COL5A1: variants seen among roughly 807,000 people sequenced by gnomAD.
COL5A1 encodes collagen type V alpha 1 chain, also known as collagen alpha-1(V) chain.
In COL5A1, 16 loss-of-function variants were observed where a neutral mutation model predicts 263.7. The observed-to-expected ratio is 0.06, with a 90% confidence interval of 0.04 to 0.09. The LOEUF is 0.09. Ranked by LOEUF, COL5A1 falls within the 10% of genes least tolerant of loss-of-function variation. The pLI is 1.00. For missense variants in COL5A1, 2,036 were observed against 2,540.5 expected, an observed-to-expected ratio of 0.80 and a Z score of 4.27; for synonymous variants, 1,012 against 1,004.5, an observed-to-expected ratio of 1.01 and a Z score of -0.14.
chr9:134,641,909 T>TGGAGGAGGAGGA lies in COL5A1; in HGVS notation c.-270_-259dup. ...CGGCGAGGAGGAGGCGAGAAGGAGT[T>TGGAGGAGGAGGA]GGAGGAGGAGGAGGAGGAGGCGAGG... On this transcript the variant is annotated 5_prime_UTR_variant, in exon 1 of 66. Coordinates refer to ENST00000371817, the MANE Select transcript of COL5A1 (RefSeq NM_000093.5). The TGGAGGAGGAGGA allele has an allele frequency of 2.7e-6, 1 of 369,640 alleles. No homozygotes were observed. The highest frequency in any genetic ancestry group is 1.3e-4 in the South Asian group (1 of 7,454). 22.9% of individuals were successfully genotyped at this position (369,640 alleles called of 1,614,324 possible).
At chr9:134,836,994 C>T (rs1457172171) in intron 65 of COL5A1, among the ~76,000 whole-genome samples, 2 of 152,222 alleles carry the variant, frequency 1.3e-5, no homozygotes, top group East Asian at 1.9e-4. Flanking sequence ...AGGGACCTTA[C>T]CCGTCCTCCC....
At chr9:134,690,311 A>T (rs898230055) in intron 1 of COL5A1, among the ~76,000 whole-genome samples, 3 of 94,332 alleles carry the variant, frequency 3.2e-5, no homozygotes, top group African/African-American at 8.0e-5. Context: ...GTGGATAATG[A>T]CGGGGGGATA....
Position 134,812,653 on chromosome 9 carries a change from G to A in COL5A1, c.3793G>A (p.Ala1265Thr). The change falls in exon 48 of 66, where the codon GCT becomes ACT. Residue 1265 changes from alanine (A) to threonine (T), a missense_variant. Ala to Thr is a moderately conservative substitution (Grantham distance 58). Around this residue, in one of 3 missense-constraint regions of COL5A1, gnomAD observed 1,078 missense variants for 1,521.4 expected, o/e 0.71. Coordinates refer to ENST00000371817, the MANE Select transcript of COL5A1 (RefSeq NM_000093.5). ...GPRGPSGAPG[A>T]DGPQGPPGGI... ...CCGAGGACCCTCCGGAGCTCCAGGT[G>A]CTGATGGCCCACAAGGTCCCCCAGG... is the stretch of plus-strand genomic sequence containing the variant. The A allele has an allele frequency of 6.3e-7, 1 of 1,597,996 alleles. No homozygotes were observed. Among genetic ancestry groups the A allele is most frequent in the South Asian group, 1.1e-5 (1 of 88,558 alleles).
At position 134,817,760 on chromosome 9, in the gene COL5A1, T is replaced by C. The variant is rs922274540; in HGVS notation, c.4177-18T>C. The C allele has an allele frequency of 3.7e-6, 6 of 1,610,718 alleles. No homozygotes were observed. The highest frequency in any genetic ancestry group is 5.1e-6 in the Non-Finnish European group (6 of 1,178,608). ...TGCAGGCCACACTCACCACCTGCTG[T>C]TCTCTTGCTTCTTTCAGGGTCCCCC... On this transcript the variant is annotated intron_variant, in intron 53 of 65. Transcript: ENST00000371817.
At chr9:134,763,871 C>A in intron 20 of COL5A1, 134 bp downstream of exon 20, 1 of 865,504 alleles carries the variant, frequency 1.2e-6, no homozygotes, top group Non-Finnish European at 1.8e-6. Context: ...AACAGACGGA[C>A]CTGGGCATCT....
At chr9:134,823,871 C>T (rs1236036169) in intron 61 of COL5A1, among the ~76,000 whole-genome samples, 1 of 150,266 alleles carries the variant, frequency 6.7e-6, no homozygotes, top group Non-Finnish European at 1.5e-5. Context: ...TGTGTGTGTG[C>T]ATGATGTGTG....
rs752470040 is a variant in COL5A1, at chr9:134,812,415, A to C, written c.3691-34A>C. ...TGTGTGTTTGACATACACATGACAG[A>C]ACAGCGCTTAACTGGGAAGTTTCCT... On this transcript the variant is annotated intron_variant, in intron 46 of 65. Transcript: ENST00000371817. 4 of 1,611,464 alleles carry C rather than the reference A, an allele frequency of 2.5e-6. No individual in the cohort carries two copies. The Admixed American group carries it at 5.0e-5, about 20-fold the overall frequency.
At chr9:134,671,742 G>A (rs1832544804) in intron 1 of COL5A1, among the ~76,000 whole-genome samples, 2 of 152,158 alleles carry the variant, frequency 1.3e-5, no homozygotes, top group East Asian at 1.9e-4. Flanking sequence ...CCTCTATCAC[G>A]TTGTCTGTTT....
intron 2 of COL5A1, chr9:134,691,954 T>G (rs1260639113): frequency 2.6e-5 from 4 of 152,248 alleles, no homozygotes; most frequent in African/African-American, 9.6e-5. Context: ...CCGTGGTGTT[T>G]CTGATGATCG....
rs374655547 is a variant in COL5A1 at position 134,771,494 on chromosome 9, G to A, written c.2287-1296G>A. Among the ~76,000 whole-genome samples, 24 of 152,322 alleles carry A rather than the reference G, an allele frequency of 1.6e-4. 1 individual carries two copies. The South Asian group carries it at 4.4e-3, about 28-fold the overall frequency. On this transcript the variant is annotated intron_variant, in intron 25 of 65. Coordinates refer to ENST00000371817, the MANE Select transcript of COL5A1 (RefSeq NM_000093.5). ...AAGCCTCCCTCAAGGGGAACTTTGCGCCCTCCCACTCACTTGCTGCTAGGA... is the reference window on the plus strand; with the variant it reads ...AAGCCTCCCTCAAGGGGAACTTTGCACCCTCCCACTCACTTGCTGCTAGGA...
intron 1 of COL5A1, among the ~76,000 whole-genome samples, chr9:134,659,843 G>C (rs1422503234): frequency 2.0e-5 from 3 of 152,224 alleles, no homozygotes; most frequent in South Asian, 2.1e-4. Context: ...TTTGCTTAAG[G>C]GGGTGAGCTG....
At chr9:134,733,292 A>C (rs1326668555) in intron 9 of COL5A1, among the ~76,000 whole-genome samples, 1 of 152,218 alleles carries the variant, frequency 6.6e-6, no homozygotes, top group Non-Finnish European at 1.5e-5. Context: ...TACCCCTGGA[A>C]TCTCTTTGAA....
At chr9:134,649,656 C>T (rs1588399722) in intron 1 of COL5A1, 1 of 400,456 alleles carries the variant, frequency 2.5e-6, no homozygotes, top group East Asian at 7.1e-5. Flanking sequence ...CCAGAAATAC[C>T]ATTTGACCTG....
chr9:134,772,809 G>T lies in COL5A1; in HGVS notation c.2306G>T (p.Gly769Val), dbSNP rs1270153112. The T allele has an allele frequency of 1.2e-6, 2 of 1,613,916 alleles. No homozygotes were observed. Reference protein sequence around the residue: ...DGPPGHPGKEGPPGEKGGQGP... With the variant: ...DGPPGHPGKEVPPGEKGGQGP... ...TGACAGGGACACCCTGGCAAAGAAGGCCCTCCAGGAGAGAAAGGAGGTCAG... is the reference window on the plus strand; with the variant it reads ...TGACAGGGACACCCTGGCAAAGAAGTCCCTCCAGGAGAGAAAGGAGGTCAG... The change falls in exon 26 of 66, where the codon GGC (glycine) becomes GTC (valine). Residue 769 changes from glycine to valine, a missense_variant. Physicochemically the swap from Gly to Val is moderately radical, Grantham distance 109. Transcript: ENST00000371817.
chr9:134,842,436 CCT>C lies in COL5A1; in HGVS notation c.*135_*136del. The C allele has an allele frequency of 8.9e-7, 1 of 1,121,296 alleles. No individual in the cohort carries two copies. Among genetic ancestry groups the C allele is most frequent in the South Asian group, 1.4e-5 (1 of 73,122 alleles). 69.5% of individuals were successfully genotyped at this position (1,121,296 alleles called of 1,614,324 possible). A position where few individuals can be genotyped will look rare whatever the true frequency, so the allele number is the denominator to read the frequency against. On this transcript the variant is annotated 3_prime_UTR_variant, in exon 66 of 66. Transcript: ENST00000371817. The surrounding 1 kb of genome is among the most constrained non-coding windows in gnomAD (Gnocchi z 5.8). ...CCCCTCCCACCTGACTTCATCTACG[CCT>C]CGGCACCACGGGGTGTGGGACCCCA...
chr9:134,685,068 C>T (rs1832975110), intron 1 of COL5A1, among the ~76,000 whole-genome samples: 274 of 17,646 alleles, frequency 0.016, no homozygotes, highest in Admixed American at 0.023. Flanking sequence ...ATCCATCCAT[C>T]CATCCATCCA....
At chr9:134,839,275 G>T (rs946127709) in intron 65 of COL5A1, among the ~76,000 whole-genome samples, 2 of 152,216 alleles carry the variant, frequency 1.3e-5, no homozygotes, top group East Asian at 1.9e-4. Flanking sequence ...CCTCTGGGGG[G>T]CCGTTCTGGC....
intron 37 of COL5A1, 25 bp from the exon 38 acceptor site, chr9:134,801,929 C>T (rs1405298008): frequency 1.9e-6 from 3 of 1,610,416 alleles, no homozygotes; most frequent in South Asian, 2.2e-5. Context: ...GCAGCACCGT[C>T]AGTGCAGTGA....
chr9:134,709,930 G>C (rs969885367), intron 4 of COL5A1, among the ~76,000 whole-genome samples: 1 of 152,190 alleles, frequency 6.6e-6, no homozygotes, highest in Non-Finnish European at 1.5e-5. Flanking sequence ...GGGGCAGGGC[G>C]TCCCCTGTGG....
Sources: gnomAD v4.1 joint callset for allele counts (sites outside exome capture counted in the v4.1 genomes callset) on GRCh38, gnomAD v4.1.1 for gene constraint, gnomAD v4.1.1 regional missense constraint, Gnocchi (gnomAD v3.1) non-coding constraint, MANE v1.5 for transcripts, NCBI Gene and HGNC (gene_info 2026-07-23, HGNC 2026-07-21) for gene names.